The following HEATR4 variants were observed in gnomAD, a reference collection of about 807,000 sequenced individuals.
HEATR4 encodes the protein HEAT repeat-containing protein 4.
HEATR4 carries 95 observed loss-of-function variants against 108.8 expected under a neutral mutation model. That is an observed-to-expected ratio of 0.87 (90% CI 0.74 to 1.04). HEATR4 has a LOEUF of 1.04. Ranked by LOEUF, HEATR4 falls within the 50% of genes least tolerant of loss-of-function variation. The pLI, the probability that HEATR4 is intolerant of heterozygous loss-of-function variation, is 0.00. For synonymous variants in HEATR4, 443 were observed against 459.4 expected, an observed-to-expected ratio of 0.96 and a Z score of 0.46; for missense variants, 1,152 against 1,253.8, an observed-to-expected ratio of 0.92 and a Z score of 1.23.
At chr14:73,507,609 C>CT (rs1886938871) in intron 9 of HEATR4, among the ~76,000 whole-genome samples, 1 of 151,792 alleles carries the variant, frequency 6.6e-6, no homozygotes, top group African/African-American at 2.4e-5. Flanking sequence ...AATTTTATTT[C>CT]TTTTTTTGTA....
chr14:73,484,580 A>C (rs751137077), intron 17 of HEATR4, among the ~76,000 whole-genome samples: 13 of 151,748 alleles, frequency 8.6e-5, no homozygotes, highest in Non-Finnish European at 1.6e-4. Flanking sequence ...GGGTTTCACT[A>C]TGTTGGCCAG....
At chr14:73,570,028 C>T in the HEATR4 span, 48 of 1,316,116 alleles carry the variant, frequency 3.6e-5, no homozygotes, top group Non-Finnish European at 4.6e-5. Flanking sequence ...TCCTGGTCTC[C>T]AGCTATCTTC....
upstream of HEATR4, among the ~76,000 whole-genome samples, chr14:73,559,428 A>G (rs915665336): frequency 6.6e-6 from 1 of 151,834 alleles, no homozygotes; most frequent in African/African-American, 2.4e-5. Flanking sequence ...CCTCTTGGTC[A>G]TTCTTTGAAA....
upstream of HEATR4, among the ~76,000 whole-genome samples, chr14:73,563,253 G>A (rs1395404681): frequency 6.6e-5 from 10 of 151,932 alleles, no homozygotes; most frequent in Admixed American, 5.9e-4. Context: ...TATTGGGGGC[G>A]AGTTCCCCCA....
chr14:73,497,505 C>T (rs1018269207), intron 14 of HEATR4, among the ~76,000 whole-genome samples: 1 of 152,196 alleles, frequency 6.6e-6, no homozygotes, highest in African/African-American at 2.4e-5. Flanking sequence ...ATACCTTACA[C>T]GGGCTCACAT....
intron 6 of HEATR4, 114 bp downstream of exon 6, chr14:73,513,917 G>T (rs1887427308): frequency 5.4e-6 from 6 of 1,109,766 alleles, no homozygotes; most frequent in Non-Finnish European, 8.1e-6. Context: ...GAGGCAACCA[G>T]ATTTTTACAT....
chr14:73,576,937 T>TTTTC, the HEATR4 span, among the ~76,000 whole-genome samples: 6 of 144,444 alleles, frequency 4.2e-5, no homozygotes, highest in Non-Finnish European at 7.6e-5. Flanking sequence ...CTTTTCTTTT[T>TTTTC]TTTTTTTTTT....
the HEATR4 span, chr14:73,616,962 G>C: frequency 1.6e-6 from 1 of 621,512 alleles, no homozygotes; most frequent in East Asian, 2.6e-5. Flanking sequence ...AGAAACTAAA[G>C]CTCCCTGTGA....
the HEATR4 span, among the ~76,000 whole-genome samples, chr14:73,570,816 A>C: frequency 6.6e-6 from 1 of 150,406 alleles, no homozygotes; most frequent in Non-Finnish European, 1.5e-5. Flanking sequence ...GAGGCAGGAG[A>C]ATCGCTGGAA....
At chr14:73,589,508 C>G in the HEATR4 span, among the ~76,000 whole-genome samples, 2 of 152,042 alleles carry the variant, frequency 1.3e-5, no homozygotes, top group African/African-American at 4.8e-5. Flanking sequence ...TTAGTGGAGG[C>G]GGGTTTCACC....
the HEATR4 span, chr14:73,569,137 C>T: frequency 7.5e-7 from 1 of 1,336,834 alleles, no homozygotes; most frequent in South Asian, 1.3e-5. Flanking sequence ...TCCAGTGTGT[C>T]TATATTTGGT....
At chr14:73,616,765 A>G in the HEATR4 span, 8 of 423,552 alleles carry the variant, frequency 1.9e-5, no homozygotes, top group East Asian at 2.9e-4. Flanking sequence ...TGAACTGTAC[A>G]GTGATGAACG....
intron 1 of HEATR4, chr14:73,541,370 T>A: frequency 1.2e-6 from 1 of 823,690 alleles, no homozygotes. Context: ...TTCTCGTGGG[T>A]AGATACCTAG....
chr14:73,568,753 A>G, the HEATR4 span, among the ~76,000 whole-genome samples: 1 of 152,026 alleles, frequency 6.6e-6, no homozygotes, highest in Non-Finnish European at 1.5e-5. Context: ...GGCTATTTTT[A>G]CACTTGTAAG....
At chr14:73,518,880 G>A in intron 5 of HEATR4, 143 bp downstream of exon 5, 1 of 686,276 alleles carries the variant, frequency 1.5e-6, no homozygotes, top group East Asian at 2.7e-5. Context: ...ATTATTTTTA[G>A]TACGTAGAAA....
chr14:73,490,232 TCTC>T (rs1471222750), intron 17 of HEATR4, among the ~76,000 whole-genome samples: 2 of 151,162 alleles, frequency 1.3e-5, no homozygotes, highest in Non-Finnish European at 2.9e-5. Context: ...TTCAAGCAAT[TCTC>T]CTGTCTCAGC....
chr14:73,619,232 A>AG, the HEATR4 span: 1 of 1,545,672 alleles, frequency 6.5e-7, no homozygotes. Flanking sequence ...TTTCCTCAAC[A>AG]GGTGAAAGGT....
At chr14:73,617,988 C>CA in the HEATR4 span, among the ~76,000 whole-genome samples, 5 of 151,642 alleles carry the variant, frequency 3.3e-5, no homozygotes. Flanking sequence ...ACTAAAGATA[C>CA]AAAAATTAGC....
chr14:73,513,939 G>A lies in HEATR4; in HGVS notation c.1414+92C>T, dbSNP rs116403331. The A allele has an allele frequency of 1.6e-3, 2,017 of 1,292,464 alleles. 28 individuals carry two copies. In the African/African-American group the frequency reaches 0.026, roughly 17 times the overall value. The allele number at this position is 1,292,464 out of a possible 1,614,324, so 80.1% of individuals were successfully genotyped here. On this transcript the variant is annotated intron_variant, in intron 6 of 17. Coordinates refer to ENST00000553558, the MANE Select transcript of HEATR4 (RefSeq NM_001220484.1). ...CCAGATTTTTACATTTCACAAAGGA[G>A]GGATGGATTTTTCAAAGACTGAGAA...
Sources: allele counts gnomAD v4.1 joint callset (sites outside exome capture counted in the v4.1 genomes callset), GRCh38; gene constraint gnomAD v4.1.1; transcripts MANE v1.5; gene names NCBI Gene and HGNC (gene_info 2026-07-23, HGNC 2026-07-21).